Variants in MICAL3 observed in about 807,000 individuals in gnomAD.
The protein encoded by MICAL3 is [F-actin]-monooxygenase MICAL3.
Under a neutral mutation model 207.4 loss-of-function variants are expected in MICAL3, and 62 were observed. The ratio of observed to expected loss-of-function variants is 0.30; its 90% CI spans 0.24 to 0.37. The LOEUF is 0.37. Ranked by LOEUF, MICAL3 falls within the 10% of genes least tolerant of loss-of-function variation. MICAL3 has a pLI of 1.00. For synonymous variants in MICAL3, 1,077 were observed against 1,069.3 expected (o/e 1.01, Z -0.14); for missense variants, 2,368 against 2,635.6 (o/e 0.90, Z 2.22).
At chr22:17,963,601 C>T (rs1411059524) in intron 1 of MICAL3, among the ~76,000 whole-genome samples, 1 of 152,150 alleles carries the variant, frequency 6.6e-6, no homozygotes, top group Non-Finnish European at 1.5e-5. Flanking sequence ...ATCTCTGACA[C>T]CCCTTGGCAC....
intron 1 of MICAL3, among the ~76,000 whole-genome samples, chr22:17,942,405 C>T (rs774430637): frequency 1.3e-5 from 2 of 152,166 alleles, no homozygotes; most frequent in African/African-American, 4.8e-5. Flanking sequence ...CTGGTACCAC[C>T]TCCTGTCAGA....
chr22:17,844,941 C>T (rs903640759), intron 19 of MICAL3, among the ~76,000 whole-genome samples: 16 of 152,192 alleles, frequency 1.1e-4, no homozygotes, highest in African/African-American at 3.9e-4. Flanking sequence ...GCTCATCATT[C>T]CCAAATACCA....
intron 28 of MICAL3, among the ~76,000 whole-genome samples, chr22:17,809,597 G>A (rs1451609688): frequency 1.3e-5 from 2 of 152,232 alleles, no homozygotes; most frequent in Admixed American, 6.5e-5. Flanking sequence ...GCCACTGCGC[G>A]TCCAGCCTGG....
rs555025977 is a variant in MICAL3, at chr22:17,935,927, T to C, written c.-74-29041A>G. ...CAATCATTAAAAAGTCAGGAAACAA[T>C]AGATGCTGGAGAGGATGTGGAGAAA... On this transcript the variant is annotated intron_variant, in intron 1 of 31. Coordinates refer to ENST00000441493, the MANE Select transcript of MICAL3 (RefSeq NM_015241.3). Among the ~76,000 whole-genome samples, 531 of 152,078 alleles carry C rather than the reference T, an allele frequency of 3.5e-3. 3 individuals carry two copies. The highest frequency in any genetic ancestry group is 0.012 in the African/African-American group (506 of 41,480).
At position 17,896,967 on chromosome 22, in the gene MICAL3, T is replaced by G; in HGVS notation, c.963A>C (p.Thr321=). Residue 321 remains threonine, a synonymous_variant, in exon 8 of 32, where the codon ACA becomes ACC. Transcript: ENST00000441493. ...CGTTTTCTCGGGAAAGCAGGAGCTC[T>G]GTGTCGGCGTAGTCCTGTCTCCAGA... ...KGVILHDYAD[T]ELLLSRENVD... 4 of 1,613,256 alleles carry G rather than the reference T, an allele frequency of 2.5e-6. No individual in the cohort carries two copies. Among genetic ancestry groups the G allele is most frequent in the Non-Finnish European group, 3.4e-6 (4 of 1,179,576 alleles).
intron 1 of MICAL3, among the ~76,000 whole-genome samples, chr22:17,960,505 A>AT (rs1934857098): frequency 6.6e-6 from 1 of 152,154 alleles, no homozygotes; most frequent in Admixed American, 6.5e-5. Flanking sequence ...CGAACCCAGC[A>AT]TATGGGAAGG....
Position 17,790,831 on chromosome 22 carries a change from C to G in MICAL3, c.5910G>C (p.Leu1970=). Residue 1970 remains leucine (L), a synonymous_variant, in exon 32 of 32, where the codon CTG becomes CTC. Coordinates refer to ENST00000441493, the MANE Select transcript of MICAL3 (RefSeq NM_015241.3). ...GCCGCTGCTCCTCCAGCAGCGCCAC[C>G]AGTGAGTCTCTCTGCTCCACCACCT... ...MLEVVEQRDS[L]VALLEEQRLR... The G allele has an allele frequency of 6.2e-7, 1 of 1,613,868 alleles. No individual in the cohort carries two copies. Among genetic ancestry groups the G allele is most frequent in the Non-Finnish European group, 8.5e-7 (1 of 1,179,880 alleles).
chr22:17,842,214 G>C (rs1054931026), intron 19 of MICAL3, 197 bp from the exon 20 acceptor site: 1 of 605,556 alleles, frequency 1.7e-6, no homozygotes, highest in African/African-American at 1.8e-5. Context: ...GAGAAAGGAA[G>C]GTGGCCCTGT....
Position 17,818,148 on chromosome 22 carries a change from G to C in MICAL3, c.4513C>G (p.Pro1505Ala), listed in dbSNP as rs1438695075. The change falls in exon 26 of 32, where the codon CCC (proline) becomes GCC (alanine). Residue 1505 changes from proline to alanine, a missense_variant. Pro to Ala is a conservative substitution (Grantham distance 27, BLOSUM62 -1). Around this residue, in one of 4 missense-constraint regions of MICAL3, gnomAD observed 1,770 missense variants for 1,863.2 expected, o/e 0.95. Coordinates refer to ENST00000441493, the MANE Select transcript of MICAL3 (RefSeq NM_015241.3). ...MRPPREPAQPPREEVRKSFVE... is the reference protein window; with the variant it reads ...MRPPREPAQPAREEVRKSFVE... ...AACGACTTCCGCACCTCCTCTCTGG[G>C]GGGCTGAGCAGGCTCCCGGGGGGGC... 6.2e-7 allele frequency: 1 copy of C among 1,605,906 alleles called. No individual in the cohort carries two copies. The highest frequency in any genetic ancestry group is 8.5e-7 in the Non-Finnish European group (1 of 1,177,248).
intron 1 of MICAL3, among the ~76,000 whole-genome samples, chr22:17,942,028 GACA>G (rs752504198): frequency 2.6e-5 from 4 of 152,166 alleles, no homozygotes; most frequent in South Asian, 4.2e-4. Context: ...CTAGCCTTAA[GACA>G]ACAACAAGGA....
intron 1 of MICAL3, among the ~76,000 whole-genome samples, chr22:17,936,667 C>T (rs184444279): frequency 6.6e-6 from 1 of 151,900 alleles, no homozygotes; most frequent in Admixed American, 6.6e-5. Flanking sequence ...CTGTCAATGC[C>T]CACCTAAAGG....
In MICAL3 at chr22:17,790,822, CA is replaced by C; in HGVS notation, c.5918del (p.Leu1973ArgfsTer89). The C allele has an allele frequency of 6.2e-7, 1 of 1,613,834 alleles. No individual in the cohort carries two copies. The highest frequency in any genetic ancestry group is 8.5e-7 in the Non-Finnish European group (1 of 1,179,894). ...TCTCCCGGAGCCGCTGCTCCTCCAGCAGCGCCACCAGTGAGTCTCTCTGCTC... is the reference window on the plus strand; with the variant it reads ...TCTCCCGGAGCCGCTGCTCCTCCAGCGCGCCACCAGTGAGTCTCTCTGCTC... ...VVEQRDSLVA[L>X]LEEQRLRERE... On this transcript the variant is annotated frameshift_variant, in exon 32 of 32. Transcript: ENST00000441493. LOFTEE classifies it high-confidence loss of function.
At chr22:17,883,205 C>A (rs1569114129) in intron 16 of MICAL3, among the ~76,000 whole-genome samples, 1 of 152,298 alleles carries the variant, frequency 6.6e-6, no homozygotes, top group East Asian at 1.9e-4. Flanking sequence ...AAGTAAACTT[C>A]CAATTACATT....
Position 17,869,461 on chromosome 22 carries a change from T to A in MICAL3, c.2428+2376A>T, listed in dbSNP as rs540390737. ...CTGTGGAGGTAGCGTATGTCTCTTC[T>A]CAAGATGACAGGGAAGGGCCTGACA... On this transcript the variant is annotated intron_variant, in intron 17 of 31. Transcript: ENST00000441493. Among the ~76,000 whole-genome samples the A allele has an allele frequency of 2.6e-5, 4 of 152,086 alleles. No individual in the cohort carries two copies. The South Asian group carries it at 8.3e-4, about 32-fold the overall frequency.
At chr22:17,968,289 G>C (rs1355750692) in intron 1 of MICAL3, among the ~76,000 whole-genome samples, 2 of 151,958 alleles carry the variant, frequency 1.3e-5, no homozygotes, top group Non-Finnish European at 2.9e-5. Context: ...TTGGGGGAGG[G>C]AGAAAAGCCT....
chr22:17,946,236 C>G (rs1056643503), intron 1 of MICAL3, among the ~76,000 whole-genome samples: 7 of 152,120 alleles, frequency 4.6e-5, no homozygotes, highest in African/African-American at 1.7e-4. Context: ...CTGCACTTTC[C>G]CTGGCTTCGG....
At chr22:17,833,525 C>CT (rs2146047542) in intron 20 of MICAL3, among the ~76,000 whole-genome samples, 1 of 152,360 alleles carries the variant, frequency 6.6e-6, no homozygotes, top group South Asian at 2.1e-4. Context: ...CTGAGGGGCA[C>CT]TGCCAGGGCG....
chr22:17,805,517 C>T (rs1000683607), intron 29 of MICAL3, among the ~76,000 whole-genome samples: 2 of 152,210 alleles, frequency 1.3e-5, no homozygotes, highest in Non-Finnish European at 2.9e-5. Flanking sequence ...TACTAAGGCC[C>T]ATCTTGAAAA....
intron 16 of MICAL3, among the ~76,000 whole-genome samples, chr22:17,882,399 T>G (rs1169036671): frequency 6.6e-6 from 1 of 152,130 alleles, no homozygotes. Flanking sequence ...TGAGTCACAA[T>G]GGGATGCTGC....
Sources: gnomAD v4.1 joint callset for allele counts (sites outside exome capture counted in the v4.1 genomes callset) on GRCh38, gnomAD v4.1.1 for gene constraint, gnomAD v4.1.1 regional missense constraint, MANE v1.5 for transcripts, NCBI Gene and HGNC (gene_info 2026-07-23, HGNC 2026-07-21) for gene names.